The following CWF19L2 variants were observed in gnomAD, a reference collection of about 807,000 sequenced individuals.
CWF19L2 encodes the protein CWF19-like protein 2.
Under a neutral mutation model 111.7 loss-of-function variants are expected in CWF19L2, and 98 were observed. That is an observed-to-expected ratio of 0.88 (90% CI 0.75 to 1.04). The LOEUF (loss-of-function observed/expected upper bound fraction) is 1.04. Among genes scored for constraint, CWF19L2 ranks in the 50% least tolerant of loss-of-function variants. The probability of loss-of-function intolerance (pLI) is 0.00; values close to 1 mark genes in which losing one functional copy is unlikely to be tolerated. For missense variants in CWF19L2, 1,101 were observed against 1,051.4 expected, an observed-to-expected ratio of 1.05 and a Z score of -0.65; for synonymous variants, 351 against 342.9, an observed-to-expected ratio of 1.02 and a Z score of -0.26.
intron 12 of CWF19L2, among the ~76,000 whole-genome samples, chr11:107,387,474 C>CCA (rs1860786926): frequency 6.9e-6 from 1 of 145,316 alleles, no homozygotes; most frequent in Non-Finnish European, 1.5e-5. Flanking sequence ...AAACAAAAAA[C>CCA]AAAAAAAACC....
chr11:107,443,899 C>A (rs73549874), intron 3 of CWF19L2, among the ~76,000 whole-genome samples: 1 of 152,124 alleles, frequency 6.6e-6, no homozygotes, highest in Non-Finnish European at 1.5e-5. Flanking sequence ...TATCCTCCTA[C>A]CCACCGCCCA....
intron 8 of CWF19L2, among the ~76,000 whole-genome samples, chr11:107,423,476 A>C (rs1303203357): frequency 6.6e-6 from 1 of 151,926 alleles, no homozygotes; most frequent in Non-Finnish European, 1.5e-5. Flanking sequence ...TCTGTCTCTC[A>C]AATTCTTGTT....
rs1272038087 is a variant in CWF19L2 at position 107,329,932 on chromosome 11, G to A, written c.2527C>T (p.His843Tyr). The change falls in exon 17 of 18, where the codon CAT becomes TAT. Residue 843 changes from histidine to tyrosine, a missense_variant. By Grantham distance (83) the His-to-Tyr change is moderately conservative. Coordinates refer to ENST00000282251, the MANE Select transcript of CWF19L2 (RefSeq NM_152434.3). ...HVIEDQHKFPHYFGKEIIGGM... is the reference protein window; with the variant it reads ...HVIEDQHKFPYYFGKEIIGGM... ...TGTAAGCCTACCTTTCCAAAGTAAT[G>A]AGGGAATTTGTGCTGATCTTCAATG... 2 of 1,579,190 alleles carry A rather than the reference G, an allele frequency of 1.3e-6. No homozygotes were observed. The highest frequency in any genetic ancestry group is 1.9e-5 in the Admixed American group (1 of 53,410).
chr11:107,358,526 T>C (rs1860273311), intron 12 of CWF19L2, among the ~76,000 whole-genome samples: 1 of 152,132 alleles, frequency 6.6e-6, no homozygotes, highest in Non-Finnish European at 1.5e-5. Flanking sequence ...ATAAAAAGAA[T>C]GAAGTACTGA....
chr11:107,453,084 A>G (rs1049000731), intron 3 of CWF19L2, among the ~76,000 whole-genome samples: 1 of 152,244 alleles, frequency 6.6e-6, no homozygotes, highest in African/African-American at 2.4e-5. Context: ...AGAAAAAATG[A>G]TGAAAAACAA....
chr11:107,328,138 C>CAAAAA (rs10578324), intron 17 of CWF19L2, among the ~76,000 whole-genome samples: 4 of 118,426 alleles, frequency 3.4e-5, no homozygotes, highest in Admixed American at 8.7e-5. Flanking sequence ...TGTGGAGACT[C>CAAAAA]AAAAAAAAAA....
At chr11:107,408,289 G>A (rs1280983258) in intron 10 of CWF19L2, among the ~76,000 whole-genome samples, 1 of 151,840 alleles carries the variant, frequency 6.6e-6, no homozygotes, top group Non-Finnish European at 1.5e-5. Flanking sequence ...ATATACAGAA[G>A]GTAACTACAT....
At chr11:107,445,618 A>T (rs1861691076) in intron 3 of CWF19L2, among the ~76,000 whole-genome samples, 1 of 150,912 alleles carries the variant, frequency 6.6e-6, no homozygotes, top group African/African-American at 2.4e-5. Context: ...AAAAAAAAAA[A>T]AGTAGTAGCC....
rs529321020 is a variant in CWF19L2 at position 107,354,993 on chromosome 11, C to T, written c.1873-1257G>A. ...TGCTGTCAGTCTCAGGATGACTACA[C>T]TGTATCACACTCATTAACTTGTCTT... On this transcript the variant is annotated intron_variant, in intron 12 of 17. Coordinates refer to ENST00000282251, the MANE Select transcript of CWF19L2 (RefSeq NM_152434.3). 2.6e-5 allele frequency among the ~76,000 whole-genome samples: 4 copies of T among 152,368 alleles called. No homozygotes were observed. The East Asian group carries it at 7.7e-4, about 29-fold the overall frequency.
rs572906259 is a variant in CWF19L2, at chr11:107,451,230, T to A, written c.339+3220A>T. On this transcript the variant is annotated intron_variant, in intron 3 of 17. Transcript: ENST00000282251. ...ATCTGCAAGTTTAAAAACTCTTATA[T>A]ATCCATGAGTAAGAAAAAGTAAAGT... Among the ~76,000 whole-genome samples the A allele has an allele frequency of 3.3e-4, 50 of 152,114 alleles. 1 individual carries two copies. Among genetic ancestry groups the A allele is most frequent in the African/African-American group, 1.1e-3 (44 of 41,536 alleles).
chr11:107,393,596 C>T (rs924434467), intron 10 of CWF19L2, among the ~76,000 whole-genome samples: 9 of 152,154 alleles, frequency 5.9e-5, no homozygotes, highest in Non-Finnish European at 1.2e-4. Flanking sequence ...ATGTTTATCC[C>T]AGCACTATTC....
At chr11:107,346,134 T>C (rs572012604) in intron 14 of CWF19L2, among the ~76,000 whole-genome samples, 5 of 152,284 alleles carry the variant, frequency 3.3e-5, no homozygotes, top group African/African-American at 1.2e-4. Context: ...CAAGTACATA[T>C]GAATACATAA....
intron 10 of CWF19L2, chr11:107,404,525 G>A (rs11212206): frequency 0.28 from 193,442 of 701,772 alleles, 28,357 homozygotes; most frequent in Non-Finnish European, 0.31. Flanking sequence ...AAACCTTGGA[G>A]TGCTGGGCAT....
At chr11:107,327,591 T>C (rs779507735) in intron 17 of CWF19L2, among the ~76,000 whole-genome samples, 36 of 152,324 alleles carry the variant, frequency 2.4e-4, no homozygotes, top group African/African-American at 7.9e-4. Flanking sequence ...AAAAATTATA[T>C]ATCACTTTCA....
chr11:107,386,157 A>T (rs554980641), intron 12 of CWF19L2, among the ~76,000 whole-genome samples: 1 of 152,098 alleles, frequency 6.6e-6, no homozygotes, highest in Non-Finnish European at 1.5e-5. Flanking sequence ...GAAACTACAG[A>T]TAAGTACCAC....
chr11:107,352,881 T>A (rs1860177195), intron 13 of CWF19L2, among the ~76,000 whole-genome samples: 3 of 152,110 alleles, frequency 2.0e-5, no homozygotes, highest in East Asian at 3.9e-4. Flanking sequence ...TTCATTCAAC[T>A]TCTTCTACTT....
At chr11:107,393,383 G>C (rs1591180717) in intron 10 of CWF19L2, among the ~76,000 whole-genome samples, 2 of 152,028 alleles carry the variant, frequency 1.3e-5, no homozygotes, top group African/African-American at 4.8e-5. Context: ...TCTTCAGAAG[G>C]AATTATATCC....
intron 7 of CWF19L2, among the ~76,000 whole-genome samples, chr11:107,432,789 A>G (rs753702889): frequency 6.6e-6 from 1 of 152,228 alleles, no homozygotes; most frequent in Non-Finnish European, 1.5e-5. Flanking sequence ...TTAAATGTCT[A>G]TATCCTTTAA....
Position 107,433,650 on chromosome 11 carries a change from A to G in CWF19L2, c.764T>C (p.Val255Ala). The change falls in exon 7 of 18, where the codon GTA (valine) becomes GCA (alanine). Residue 255 changes from valine to alanine, a missense_variant. Coordinates refer to ENST00000282251, the MANE Select transcript of CWF19L2 (RefSeq NM_152434.3). ...GATACTCACCCCATATCTTTCGGCT[A>G]CAATGTCCTCAAAGTTTCTACTTTG... ...EKQSRNFEDI[V>A]AERYGSMEIF... The G allele has an allele frequency of 6.4e-7, 1 of 1,563,120 alleles. No homozygotes were observed. The highest frequency in any genetic ancestry group is 8.7e-7 in the Non-Finnish European group (1 of 1,149,966).
Sources: allele counts gnomAD v4.1 joint callset (sites outside exome capture counted in the v4.1 genomes callset), GRCh38; gene constraint gnomAD v4.1.1; transcripts MANE v1.5; gene names NCBI Gene and HGNC (gene_info 2026-07-23, HGNC 2026-07-21).